The following CFAP46 variants were observed in gnomAD, a reference collection of about 807,000 sequenced individuals.
The protein encoded by CFAP46 is cilia and flagella associated protein 46.
A neutral mutation model predicts 325.7 loss-of-function variants in CFAP46; 245 were observed. The observed-to-expected ratio is 0.75, with a 90% CI of 0.68 to 0.84. CFAP46 has a LOEUF of 0.84. CFAP46 is among the 40% of genes least tolerant of loss of function. The probability of loss-of-function intolerance (pLI) is 0.00; values close to 1 mark genes in which losing one functional copy is unlikely to be tolerated. For synonymous variants in CFAP46, 1,523 were observed against 1,495.9 expected (o/e 1.02, Z -0.42); for missense variants, 3,346 against 3,543.0 (o/e 0.94, Z 1.41).
In CFAP46 at chr10:132,810,501, A is replaced by T; in HGVS notation, c.7584-12T>A. Reference sequence around the variant, plus strand: ...AACGGCCAACAGATCTAGGGGAGAAACGTCCCCTCAGGAGGGCATGGACAC... The same window carrying T: ...AACGGCCAACAGATCTAGGGGAGAATCGTCCCCTCAGGAGGGCATGGACAC... On this transcript the variant is annotated splice_polypyrimidine_tract_variant and intron_variant, in intron 56 of 57. Coordinates refer to ENST00000368586, the MANE Select transcript of CFAP46 (RefSeq NM_001200049.3). 6.2e-7 allele frequency: 1 copy of T among 1,608,416 alleles called. No homozygotes were observed. The highest frequency in any genetic ancestry group is 8.5e-7 in the Non-Finnish European group (1 of 1,175,992).
intron 44 of CFAP46, among the ~76,000 whole-genome samples, chr10:132,837,800 C>G (rs1173993207): frequency 6.6e-6 from 1 of 150,714 alleles, no homozygotes; most frequent in Non-Finnish European, 1.5e-5. Context: ...TGCATGGACA[C>G]ACATGCACAC....
At chr10:132,841,859 C>G (rs980820485) in intron 44 of CFAP46, among the ~76,000 whole-genome samples, 4 of 152,146 alleles carry the variant, frequency 2.6e-5, no homozygotes, top group Non-Finnish European at 1.5e-5. Flanking sequence ...GCACCTCTGG[C>G]ACATCCACCA....
Position 132,867,478 on chromosome 10 carries a change from T to C in CFAP46, c.4640A>G (p.Glu1547Gly). 1 of 1,550,414 alleles carries C rather than the reference T, an allele frequency of 6.4e-7. No individual in the cohort carries two copies. Among genetic ancestry groups the C allele is most frequent in the South Asian group, 1.2e-5 (1 of 84,024 alleles). ...TTCTAATAAAGGCTCCTTATTTTTC[T>C]CTTTTTTCAACGCGATCTCTTTTCT... ...SCRKEIALKK[E>G]KNKEPLLEES... is the part of the protein sequence containing the mutation. Residue 1547 changes from glutamate to glycine, a missense_variant, in exon 34 of 58, where the codon GAG becomes GGG. Coordinates refer to ENST00000368586, the MANE Select transcript of CFAP46 (RefSeq NM_001200049.3).
At chr10:132,908,261 G>A (rs1334011570) in intron 22 of CFAP46, 30 of 604,148 alleles carry the variant, frequency 5.0e-5, no homozygotes, top group Non-Finnish European at 4.9e-5. Flanking sequence ...TGTGATCGCC[G>A]CCCAGGCCCG....
intron 35 of CFAP46, among the ~76,000 whole-genome samples, chr10:132,865,030 T>C (rs1489310497): frequency 1.3e-5 from 2 of 152,234 alleles, no homozygotes; most frequent in African/African-American, 2.4e-5. Flanking sequence ...CTCAAGGCTT[T>C]GATGGGCATC....
In CFAP46 at chr10:132,847,829, C is replaced by T. The variant is rs531567941; in HGVS notation, c.5953-508G>A. On this transcript the variant is annotated intron_variant, in intron 41 of 57. Coordinates refer to ENST00000368586, the MANE Select transcript of CFAP46 (RefSeq NM_001200049.3). The surrounding 1 kb of genome is among the most constrained non-coding windows in gnomAD (Gnocchi z 5.2). The stretch of plus-strand genomic sequence containing the variant: ...CCTGGGTTTTCGGGACACAAGGTAT[C>T]GCAGCACCAAATCTATATATGCACC... 3.9e-5 allele frequency among the ~76,000 whole-genome samples: 6 copies of T among 152,268 alleles called. No individual in the cohort carries two copies. Among genetic ancestry groups the T allele is most frequent in the African/African-American group, 7.2e-5 (3 of 41,538 alleles).
Position 132,808,540 on chromosome 10 carries a change from G to C in CFAP46, c.8029C>G (p.Arg2677Gly), listed in dbSNP as rs138118152. 3.7e-6 allele frequency: 6 copies of C among 1,612,984 alleles called. No homozygotes were observed. The highest frequency in any genetic ancestry group is 1.1e-5 in the South Asian group (1 of 91,072). The stretch of plus-strand genomic sequence containing the variant: ...CGGGAAGAGACGCAGCTCCAGCCCC[G>C]ACGCAGACCCCATGGCGCACACAGG... ...ACLCAPWGLR[R>G]GWSCVSSRGQ... Residue 2677 changes from arginine (R) to glycine (G), a missense_variant, in exon 58 of 58, where the codon CGG becomes GGG. Arg to Gly is a moderately radical substitution (Grantham distance 125). Transcript: ENST00000368586. This position sits in a 1 kb window ranked among gnomAD's most constrained non-coding sequence, Gnocchi z 6.8.
At chr10:132,814,977 A>G in intron 50 of CFAP46, 63 bp from the exon 51 acceptor site, 1 of 1,426,780 alleles carries the variant, frequency 7.0e-7, no homozygotes, top group Non-Finnish European at 9.8e-7. Flanking sequence ...CTCCGGCCAC[A>G]CGGTCGGTTA....
chr10:132,872,656 G>A lies in CFAP46; in HGVS notation c.4511+20C>T, dbSNP rs189116694. 1.6e-5 allele frequency: 25 copies of A among 1,550,454 alleles called. No homozygotes were observed. The African/African-American group carries it at 1.6e-4, about 10-fold the overall frequency. On this transcript the variant is annotated intron_variant, in intron 32 of 57. Coordinates refer to ENST00000368586, the MANE Select transcript of CFAP46 (RefSeq NM_001200049.3). ...TTTTGCTTTGGGGAAATCACACTCC[G>A]AAAAAGGAGCTGTACCCACCGAAGG...
At chr10:132,899,465 T>C in intron 23 of CFAP46, 70 bp downstream of exon 23, 1 of 1,470,486 alleles carries the variant, frequency 6.8e-7, no homozygotes, top group African/African-American at 1.4e-5. Context: ...GGCCACAGCC[T>C]TGGTGAGCAC....
Position 132,851,287 on chromosome 10 carries a change from G to T in CFAP46, c.5593C>A (p.Pro1865Thr). 1 of 1,613,792 alleles carries T rather than the reference G, an allele frequency of 6.2e-7. No individual in the cohort carries two copies. Among genetic ancestry groups the T allele is most frequent in the South Asian group, 1.1e-5 (1 of 91,074 alleles). The part of the protein sequence containing the change: ...SLQDLQNVNT[P>T]LMRKLARLKL... Reference sequence around the variant, plus strand: ...AGGCGCGCCAGCTTCCTCATCAGGGGCGTGTTGACGTTCTGCAACTGAGGG... The same window carrying T: ...AGGCGCGCCAGCTTCCTCATCAGGGTCGTGTTGACGTTCTGCAACTGAGGG... The change falls in exon 40 of 58, where the codon CCC (proline) becomes ACC (threonine). Residue 1865 changes from proline to threonine, a missense_variant. Physicochemically the swap from Pro to Thr is conservative, Grantham distance 38 (BLOSUM62 -1). Transcript: ENST00000368586.
chr10:132,860,614 G>T, intron 36 of CFAP46, 91 bp from the exon 37 acceptor site: 1 of 1,199,612 alleles, frequency 8.3e-7, no homozygotes, highest in South Asian at 1.4e-5. Flanking sequence ...ACAGATACGG[G>T]CCTGAGGACA....
chr10:132,864,833 C>A (rs1408350549), intron 35 of CFAP46, among the ~76,000 whole-genome samples: 1 of 146,742 alleles, frequency 6.8e-6, no homozygotes, highest in Non-Finnish European at 1.5e-5. Context: ...GAGACCTGCA[C>A]ACACCTGTTC....
rs754223989 is a variant in CFAP46, at chr10:132,936,950, A to G, written c.755+11T>C. ...AACTCAGTATTTGCTCTCCCTCCCA[A>G]AACGACTTACGCCTTTAGCATATTA... On this transcript the variant is annotated intron_variant, in intron 7 of 57. Transcript: ENST00000368586. 2.7e-6 allele frequency: 4 copies of G among 1,499,124 alleles called. No homozygotes were observed. In the South Asian group the frequency reaches 5.6e-5, roughly 21 times the overall value. 92.9% of individuals were successfully genotyped at this position (1,499,124 alleles called of 1,614,324 possible).
rs746085024 is a variant in CFAP46, at chr10:132,822,263, G to GA, written c.7118-7350_7118-7349insT. Among the ~76,000 whole-genome samples the GA allele has an allele frequency of 1.1e-3, 71 of 62,882 alleles. 1 individual carries two copies. Among genetic ancestry groups the GA allele is most frequent in the East Asian group, 2.3e-3 (5 of 2,218 alleles). 41.3% of individuals were successfully genotyped at this position (62,882 alleles called of 152,430 possible). On this transcript the variant is annotated intron_variant, in intron 50 of 57. Transcript: ENST00000368586. Reference sequence around the variant, plus strand: ...TGCTGTGTGTGCGCTGATGTGTGCTGTGTGTGTGCTGTGTGAGTGCTGGTG... The same window carrying GA: ...TGCTGTGTGTGCGCTGATGTGTGCTGATGTGTGTGCTGTGTGAGTGCTGGTG...
rs1847658802 is a variant in CFAP46 at position 132,814,742 on chromosome 10, C to CTG, written c.7191_7192dup (p.Ser2398ThrfsTer13). 6.2e-7 allele frequency: 1 copy of CTG among 1,613,548 alleles called. No homozygotes were observed. The highest frequency in any genetic ancestry group is 8.5e-7 in the Non-Finnish European group (1 of 1,179,840). The stretch of plus-strand genomic sequence containing the variant: ...GTCAGGGGGGATGGTCCGGGGGATG[C>CTG]TGCCCTGCAACCACAGACCAGGGTC... On this transcript the variant is annotated frameshift_variant, in exon 52 of 58. Coordinates refer to ENST00000368586, the MANE Select transcript of CFAP46 (RefSeq NM_001200049.3). LOFTEE classifies it high-confidence loss of function.
Position 132,889,739 on chromosome 10 carries a change from C to T in CFAP46, c.3304+2594G>A, listed in dbSNP as rs564850868. Reference sequence around the variant, plus strand: ...GGACCGTCTCCTCCTCCCCGGAGGCCGTCAGCTCCATGGTGCCTCCGGGTG... The same window carrying T: ...GGACCGTCTCCTCCTCCCCGGAGGCTGTCAGCTCCATGGTGCCTCCGGGTG... On this transcript the variant is annotated intron_variant, in intron 25 of 57. Coordinates refer to ENST00000368586, the MANE Select transcript of CFAP46 (RefSeq NM_001200049.3). This position sits in a 1 kb window ranked among gnomAD's most constrained non-coding sequence, Gnocchi z 6.0. Among the ~76,000 whole-genome samples the T allele has an allele frequency of 4.6e-5, 7 of 152,298 alleles. No homozygotes were observed. The South Asian group carries it at 1.5e-3, about 32-fold the overall frequency.
chr10:132,885,709 G>C, intron 26 of CFAP46, 112 bp downstream of exon 26: 1 of 757,642 alleles, frequency 1.3e-6, no homozygotes, highest in Admixed American at 5.6e-5. Context: ...CACCCCCGGT[G>C]GGGATGCAGT....
At chr10:132,840,478 G>A (rs900536110) in intron 44 of CFAP46, among the ~76,000 whole-genome samples, 7 of 152,120 alleles carry the variant, frequency 4.6e-5, no homozygotes, top group African/African-American at 1.7e-4. Flanking sequence ...ATTTTTCTTA[G>A]CTGTAATTTA....
Sources: allele counts gnomAD v4.1 joint callset (sites outside exome capture counted in the v4.1 genomes callset), GRCh38; gene constraint gnomAD v4.1.1; non-coding constraint Gnocchi (gnomAD v3.1); transcripts MANE v1.5; gene names NCBI Gene and HGNC (gene_info 2026-07-23, HGNC 2026-07-21).